SAMTOR: variants seen among roughly 807,000 people sequenced by gnomAD.
The protein encoded by SAMTOR is S-adenosylmethionine sensor upstream of mTORC1.
the SAMTOR span, among the ~76,000 whole-genome samples, chr7:112,850,532 T>C: frequency 6.6e-6 from 1 of 152,282 alleles, no homozygotes; most frequent in Admixed American, 6.5e-5. Flanking sequence ...GTCCTTGGCT[T>C]TTTGTTATTT....
the SAMTOR span, among the ~76,000 whole-genome samples, chr7:112,825,404 A>C: frequency 6.6e-6 from 1 of 152,158 alleles, no homozygotes; most frequent in Non-Finnish European, 1.5e-5. Context: ...TATGAGCTAC[A>C]TATTTCATAT....
the SAMTOR span, among the ~76,000 whole-genome samples, chr7:112,872,415 G>A: frequency 6.6e-6 from 1 of 151,766 alleles, no homozygotes. Flanking sequence ...GAAAAATCCA[G>A]CATTCCTTCA....
the SAMTOR span, among the ~76,000 whole-genome samples, chr7:112,874,705 A>G: frequency 9.2e-5 from 14 of 151,658 alleles, no homozygotes; most frequent in African/African-American, 3.4e-4. Context: ...GTAACTTTAC[A>G]TATATTTATC....
chr7:112,893,333 TAACCTG>T, the SAMTOR span, among the ~76,000 whole-genome samples: 1 of 152,248 alleles, frequency 6.6e-6, no homozygotes, highest in Non-Finnish European at 1.5e-5. Flanking sequence ...ATCTTCTGGA[TAACCTG>T]CTGCAGCTTC....
the SAMTOR span, among the ~76,000 whole-genome samples, chr7:112,920,000 A>G: frequency 6.6e-6 from 1 of 152,076 alleles, no homozygotes; most frequent in African/African-American, 2.4e-5. Flanking sequence ...ATGGATTCAC[A>G]GCCGAATTCT....
At chr7:112,885,805 C>T in the SAMTOR span, among the ~76,000 whole-genome samples, 1 of 152,212 alleles carries the variant, frequency 6.6e-6, no homozygotes. Context: ...TTACCCAGTT[C>T]CAAAGTTGCT....
chr7:112,935,314 T>C, the SAMTOR span: 9 of 364,478 alleles, frequency 2.5e-5, no homozygotes, highest in East Asian at 7.5e-4. Context: ...CTCATTCTAA[T>C]TTTTAAAACA....
chr7:112,824,304 A>C, the SAMTOR span, among the ~76,000 whole-genome samples: 35 of 152,138 alleles, frequency 2.3e-4, no homozygotes, highest in African/African-American at 7.7e-4. Context: ...TAGTAGTTTT[A>C]TAGTTTATGG....
At chr7:112,823,892 A>G in the SAMTOR span, among the ~76,000 whole-genome samples, 3 of 152,134 alleles carry the variant, frequency 2.0e-5, no homozygotes, top group African/African-American at 4.8e-5. Context: ...TTCAGTTTTA[A>G]TCTGCATTTT....
chr7:112,856,311 G>A, the SAMTOR span, among the ~76,000 whole-genome samples: 94 of 150,868 alleles, frequency 6.2e-4, no homozygotes, highest in African/African-American at 1.9e-3. Flanking sequence ...GTGCAGTGGC[G>A]TGATTTTGGC....
At chr7:112,926,011 C>T in the SAMTOR span, among the ~76,000 whole-genome samples, 220 of 152,204 alleles carry the variant, frequency 1.4e-3, 2 homozygotes, top group South Asian at 0.018. Flanking sequence ...TGGGAGGCCA[C>T]GGCATTTATC....
the SAMTOR span, among the ~76,000 whole-genome samples, chr7:112,869,159 T>G: frequency 0.011 from 1,615 of 151,372 alleles, 29 homozygotes; most frequent in African/African-American, 0.037. Flanking sequence ...ATTCGGAGAG[T>G]GGGGGTAATC....
chr7:112,819,602 T>C, the SAMTOR span: 8 of 152,656 alleles, frequency 5.2e-5, no homozygotes, highest in East Asian at 7.7e-4. Flanking sequence ...ACAAATGATA[T>C]AAATTCAAAC....
At chr7:112,826,933 G>T in the SAMTOR span, among the ~76,000 whole-genome samples, 1 of 152,078 alleles carries the variant, frequency 6.6e-6, no homozygotes, top group Non-Finnish European at 1.5e-5. Flanking sequence ...ATGTTTCCTT[G>T]ACAGTTTATC....
At chr7:112,822,270 T>G in the SAMTOR span, 1 of 1,613,354 alleles carries the variant, frequency 6.2e-7, no homozygotes, top group Non-Finnish European at 8.5e-7. Context: ...AGGAAGAGAA[T>G]CAATAGGGTT....
chr7:112,939,437 G>A, the SAMTOR span: 8 of 1,181,650 alleles, frequency 6.8e-6, no homozygotes, highest in Admixed American at 7.6e-5. Flanking sequence ...TGCCGACTAG[G>A]GGGCTCAGAC....
At chr7:112,874,112 T>C in the SAMTOR span, among the ~76,000 whole-genome samples, 7 of 152,048 alleles carry the variant, frequency 4.6e-5, no homozygotes, top group Non-Finnish European at 8.8e-5. Flanking sequence ...TGTAAATTAG[T>C]TTAGCCCACA....
At chr7:112,923,100 G>A in the SAMTOR span, among the ~76,000 whole-genome samples, 1 of 152,226 alleles carries the variant, frequency 6.6e-6, no homozygotes, top group Non-Finnish European at 1.5e-5. Flanking sequence ...GAAAGAAGTA[G>A]ACATGGGAGA....
the SAMTOR span, among the ~76,000 whole-genome samples, chr7:112,883,460 A>G: frequency 1.3e-5 from 2 of 152,356 alleles, no homozygotes; most frequent in African/African-American, 2.4e-5. Flanking sequence ...AAAAAACAAT[A>G]GCAAAAAAGG....
Sources: allele counts gnomAD v4.1 joint callset (sites outside exome capture counted in the v4.1 genomes callset), GRCh38; gene constraint gnomAD v4.1.1; transcripts MANE v1.5; gene names NCBI Gene and HGNC (gene_info 2026-07-23, HGNC 2026-07-21).